Variants in LITAF observed in about 807,000 individuals in gnomAD.
LITAF encodes lipopolysaccharide-induced tumor necrosis factor-alpha factor.
In LITAF, 9 loss-of-function variants were observed where a neutral mutation model predicts 14.5. That is an observed-to-expected ratio of 0.62 (90% CI 0.37 to 1.08). LITAF has a LOEUF of 1.08. LITAF is among the 50% of genes least tolerant of loss of function. The pLI is 0.01. For synonymous variants in LITAF, 98 were observed against 88.2 expected (o/e 1.11, Z -0.62); for missense variants, 206 against 213.4 (o/e 0.97, Z 0.22).
At position 11,549,007 on chromosome 16, in the gene LITAF, C is replaced by T. The variant is rs777056658; in HGVS notation, c.*630G>A. 8 of 453,796 alleles carry T rather than the reference C, an allele frequency of 1.8e-5. No individual in the cohort carries two copies. Among genetic ancestry groups the T allele is most frequent in the South Asian group, 1.2e-4 (8 of 64,458 alleles). The allele number at this position is 453,796 out of a possible 1,614,324, so 28.1% of individuals were successfully genotyped here. ...TATTTTTCTAGCATGCATTTACGAC[C>T]TTGTGGATATGTCTGTACTGGGTGT... is the stretch of plus-strand genomic sequence containing the variant. On this transcript the variant is annotated 3_prime_UTR_variant, in exon 4 of 4. Coordinates refer to ENST00000622633, the MANE Select transcript of LITAF (RefSeq NM_001136472.2). The surrounding 1 kb of genome is among the most constrained non-coding windows in gnomAD (Gnocchi z 4.6).
chr16:11,633,735 T>C (rs138248961), intron 2 of LITAF: 4 of 152,324 alleles, frequency 2.6e-5, no homozygotes, highest in African/African-American at 9.6e-5. Context: ...AGTCCTCACA[T>C]GGGGCTGCTC....
At chr16:11,610,724 C>G (rs10220965) in intron 3 of LITAF, among the ~76,000 whole-genome samples, 1 of 152,090 alleles carries the variant, frequency 6.6e-6, no homozygotes, top group Non-Finnish European at 1.5e-5. Context: ...GCGCACTGCA[C>G]AAATGCAGGG....
At position 11,549,064 on chromosome 16, in the gene LITAF, A is replaced by AG. The variant is rs398119229; in HGVS notation, c.*572_*573insC. 18 of 453,304 alleles carry AG rather than the reference A, an allele frequency of 4.0e-5. No individual in the cohort carries two copies. Among genetic ancestry groups the AG allele is most frequent in the South Asian group, 2.5e-4 (16 of 64,314 alleles). 28.1% of individuals were successfully genotyped at this position (453,304 alleles called of 1,614,324 possible). A position where few individuals can be genotyped will look rare whatever the true frequency, so the allele number is the denominator to read the frequency against. On this transcript the variant is annotated 3_prime_UTR_variant, in exon 4 of 4. Coordinates refer to ENST00000622633, the MANE Select transcript of LITAF (RefSeq NM_001136472.2). This position sits in a 1 kb window ranked among gnomAD's most constrained non-coding sequence, Gnocchi z 4.6. ...CCCCCTCCTTGTATTTAAAAAAAAAATTAAGAAATTAAAGTGAATCTGTGT... is the reference window on the plus strand; with the variant it reads ...CCCCCTCCTTGTATTTAAAAAAAAAAGTTAAGAAATTAAAGTGAATCTGTGT...
chr16:11,638,024 CTATATATCTATATATATCTA>C (rs1567271026), upstream of LITAF, among the ~76,000 whole-genome samples: 47 of 72,110 alleles, frequency 6.5e-4, no homozygotes, highest in African/African-American at 3.3e-3. Flanking sequence ...CTATATATAT[CTATATATCTATATATATCTA>C]TATATATATC....
At chr16:11,578,600 T>G (rs1200529239) in intron 1 of LITAF, among the ~76,000 whole-genome samples, 1 of 151,212 alleles carries the variant, frequency 6.6e-6, no homozygotes, top group African/African-American at 2.5e-5. Context: ...CTCTCTCTCT[T>G]GATATTAATT....
chr16:11,559,031 T>C (rs2064316731), intron 1 of LITAF, among the ~76,000 whole-genome samples: 1 of 152,162 alleles, frequency 6.6e-6, no homozygotes, highest in South Asian at 2.1e-4. Flanking sequence ...TGGGATTACT[T>C]GAGCCCAGGA....
chr16:11,633,909 G>C (rs1778999822), intron 2 of LITAF, among the ~76,000 whole-genome samples: 1 of 152,202 alleles, frequency 6.6e-6, no homozygotes, highest in African/African-American at 2.4e-5. Context: ...TGAAAGGGTT[G>C]CTGTGAGGAT....
chr16:11,627,519 G>T (rs939139140), intron 3 of LITAF, among the ~76,000 whole-genome samples: 1 of 152,210 alleles, frequency 6.6e-6, no homozygotes, highest in Admixed American at 6.5e-5. Context: ...GCAGCATTCT[G>T]CTATTCATCC....
chr16:11,596,272 G>T (rs546151309), intron 1 of LITAF, among the ~76,000 whole-genome samples: 2 of 152,160 alleles, frequency 1.3e-5, no homozygotes, highest in African/African-American at 4.8e-5. Context: ...CCTGCTTCAG[G>T]GCAGGGGCCC....
intron 1 of LITAF, among the ~76,000 whole-genome samples, chr16:11,580,994 G>A (rs1277014108): frequency 6.6e-6 from 1 of 151,950 alleles, no homozygotes; most frequent in Non-Finnish European, 1.5e-5. Context: ...TGATCTCCTG[G>A]GCTCAAGCGA....
intron 1 of LITAF, among the ~76,000 whole-genome samples, chr16:11,559,442 G>C (rs1436423984): frequency 6.6e-6 from 1 of 152,076 alleles, no homozygotes; most frequent in Non-Finnish European, 1.5e-5. Context: ...TTGAATATAT[G>C]AATCATTTTT....
At chr16:11,561,094 C>G (rs1468260767) in intron 1 of LITAF, 1 of 152,168 alleles carries the variant, frequency 6.6e-6, no homozygotes, top group East Asian at 1.9e-4. Context: ...CGTCACAGCC[C>G]CAGACCCACC....
intron 3 of LITAF, among the ~76,000 whole-genome samples, chr16:11,631,957 C>A (rs1360517949): frequency 1.3e-5 from 2 of 151,730 alleles, no homozygotes; most frequent in Non-Finnish European, 2.9e-5. Context: ...ATCTCTGCCT[C>A]CCTGCTTCAA....
rs1401449381 is a variant in LITAF, at chr16:11,553,494, G to C, written c.377+39C>G. The C allele has an allele frequency of 6.2e-7, 1 of 1,611,468 alleles. No homozygotes were observed. Among genetic ancestry groups the C allele is most frequent in the Non-Finnish European group, 8.5e-7 (1 of 1,178,808 alleles). ...CACCCCCGCCAGCACCCAGAGAGAA[G>C]GGCAGGATGGCTTGGGGCCAAGTGG... On this transcript the variant is annotated intron_variant, in intron 3 of 3. Coordinates refer to ENST00000622633, the MANE Select transcript of LITAF (RefSeq NM_001136472.2). This position sits in a 1 kb window ranked among gnomAD's most constrained non-coding sequence, Gnocchi z 7.7.
chr16:11,616,077 G>C (rs1206151406), intron 3 of LITAF, among the ~76,000 whole-genome samples: 1 of 152,194 alleles, frequency 6.6e-6, no homozygotes, highest in Non-Finnish European at 1.5e-5. Flanking sequence ...CTACCTGGGA[G>C]GTGGGGCACC....
intron 1 of LITAF, among the ~76,000 whole-genome samples, chr16:11,569,758 C>T (rs1007954975): frequency 4.6e-5 from 7 of 152,124 alleles, no homozygotes; most frequent in Admixed American, 6.5e-5. Context: ...TGGGGCCAAG[C>T]GTGGTGGCTC....
upstream of LITAF, among the ~76,000 whole-genome samples, chr16:11,591,537 G>A (rs2141850830): frequency 6.6e-6 from 1 of 151,636 alleles, no homozygotes; most frequent in South Asian, 2.1e-4. Flanking sequence ...CAAAGCATGT[G>A]GTTCTGGCAT....
chr16:11,595,082 GC>G, intron 1 of LITAF, among the ~76,000 whole-genome samples: 1 of 152,138 alleles, frequency 6.6e-6, no homozygotes. Flanking sequence ...CCAGTAAACA[GC>G]CCCCACTGAC....
At chr16:11,603,808 G>C (rs2064940692) in intron 3 of LITAF, among the ~76,000 whole-genome samples, 1 of 152,180 alleles carries the variant, frequency 6.6e-6, no homozygotes, top group Non-Finnish European at 1.5e-5. Context: ...ACTTTGGGAG[G>C]CTGAGGCGGG....
Sources: allele counts gnomAD v4.1 joint callset (sites outside exome capture counted in the v4.1 genomes callset), GRCh38; gene constraint gnomAD v4.1.1; non-coding constraint Gnocchi (gnomAD v3.1); transcripts MANE v1.5; gene names NCBI Gene and HGNC (gene_info 2026-07-23, HGNC 2026-07-21).